The following TBC1D1 variants were observed in gnomAD, a reference collection of about 807,000 sequenced individuals.
The protein encoded by TBC1D1 is TBC1 (tre-2/USP6, BUB2, cdc16) domain family, member 1.
TBC1D1 carries 89 observed loss-of-function variants against 125.6 expected under a neutral mutation model. The observed-to-expected ratio is 0.71, with a 90% confidence interval of 0.60 to 0.85. TBC1D1 has a LOEUF of 0.85. Ranked by LOEUF, TBC1D1 falls within the 40% of genes least tolerant of loss-of-function variation. The probability of loss-of-function intolerance (pLI) is 0.00; values close to 1 mark genes in which losing one functional copy is unlikely to be tolerated. For missense variants in TBC1D1, 1,377 were observed against 1,469.2 expected, an observed-to-expected ratio of 0.94 and a Z score of 1.03; for synonymous variants, 565 against 564.1, an observed-to-expected ratio of 1.00 and a Z score of -0.02.
intron 12 of TBC1D1, among the ~76,000 whole-genome samples, chr4:38,064,696 T>TCACTGC (rs1206983191): frequency 6.6e-6 from 1 of 150,854 alleles, no homozygotes; most frequent in African/African-American, 2.4e-5. Context: ...CGATCTCCGC[T>TCACTGC]CACTGCCACC....
intron 14 of TBC1D1, among the ~76,000 whole-genome samples, chr4:38,102,220 G>A (rs1041445023): frequency 1.3e-5 from 2 of 150,778 alleles, no homozygotes; most frequent in African/African-American, 4.9e-5. Flanking sequence ...TTGTGCACAT[G>A]TACCCTAAAA....
chr4:37,932,522 T>C (rs1176758408), intron 2 of TBC1D1, among the ~76,000 whole-genome samples: 2 of 152,180 alleles, frequency 1.3e-5, no homozygotes, highest in South Asian at 4.1e-4. Flanking sequence ...ACATTAAATA[T>C]GTAGTTATTA....
chr4:38,000,197 A>G (rs532659522), intron 2 of TBC1D1, among the ~76,000 whole-genome samples: 5 of 152,252 alleles, frequency 3.3e-5, no homozygotes, highest in Non-Finnish European at 7.3e-5. Context: ...CATGGTCCCA[A>G]GACATGACTC....
chr4:38,024,019 A>G (rs1364379723), intron 6 of TBC1D1, among the ~76,000 whole-genome samples: 1 of 152,210 alleles, frequency 6.6e-6, no homozygotes, highest in African/African-American at 2.4e-5. Flanking sequence ...GATGAAAGCC[A>G]TCGAGATAGA....
intron 12 of TBC1D1, among the ~76,000 whole-genome samples, chr4:38,075,230 G>C (rs1226861220): frequency 6.6e-6 from 1 of 152,188 alleles, no homozygotes; most frequent in Non-Finnish European, 1.5e-5. Flanking sequence ...GAAATCTATT[G>C]GGATTGTAAA....
intron 11 of TBC1D1, among the ~76,000 whole-genome samples, chr4:38,051,664 A>G (rs1416574650): frequency 6.6e-6 from 1 of 152,032 alleles, no homozygotes; most frequent in Non-Finnish European, 1.5e-5. Flanking sequence ...GGGAGCATAA[A>G]CACGTGGGAA....
intron 11 of TBC1D1, chr4:38,053,207 A>G (rs1337896234): frequency 6.6e-7 from 1 of 1,520,316 alleles, no homozygotes; most frequent in South Asian, 1.3e-5. Flanking sequence ...AACACCTCTG[A>G]TTTTATGAAC....
intron 15 of TBC1D1, among the ~76,000 whole-genome samples, chr4:38,113,558 T>C (rs1762510724): frequency 6.6e-6 from 1 of 152,200 alleles, no homozygotes; most frequent in African/African-American, 2.4e-5. Context: ...CATATTCTGC[T>C]ACCAGCACCT....
chr4:38,078,015 G>A (rs1360817795), intron 12 of TBC1D1, among the ~76,000 whole-genome samples: 1 of 152,154 alleles, frequency 6.6e-6, no homozygotes, highest in Non-Finnish European at 1.5e-5. Flanking sequence ...TTTCAAGTCC[G>A]ATCCCAGGAC....
At chr4:38,048,376 TAGAG>T (rs1425584645) in intron 10 of TBC1D1, among the ~76,000 whole-genome samples, 3 of 152,162 alleles carry the variant, frequency 2.0e-5, no homozygotes, top group African/African-American at 7.2e-5. Flanking sequence ...TGTATTGTCT[TAGAG>T]AGACTTTTAA....
intron 14 of TBC1D1, among the ~76,000 whole-genome samples, chr4:38,100,590 T>C (rs1049636180): frequency 6.6e-6 from 1 of 152,174 alleles, no homozygotes; most frequent in Admixed American, 6.5e-5. Flanking sequence ...CACATCTCTT[T>C]TGAGGGGACA....
chr4:38,022,085 T>G (rs1578307363), intron 6 of TBC1D1, among the ~76,000 whole-genome samples: 2 of 152,334 alleles, frequency 1.3e-5, no homozygotes, highest in African/African-American at 4.8e-5. Flanking sequence ...ACTAAGGAAC[T>G]TGTACCAGTT....
At chr4:38,135,793 A>C (rs1415590206) in intron 19 of TBC1D1, among the ~76,000 whole-genome samples, 2 of 152,200 alleles carry the variant, frequency 1.3e-5, no homozygotes, top group Non-Finnish European at 2.9e-5. Flanking sequence ...ATTTTCTGGC[A>C]CAAGTGTTGT....
intron 2 of TBC1D1, among the ~76,000 whole-genome samples, chr4:37,919,098 A>AC (rs1168362598): frequency 2.0e-5 from 3 of 151,602 alleles, no homozygotes; most frequent in African/African-American, 7.3e-5. Context: ...AAAAAAAAAA[A>AC]AAACTGGAAA....
chr4:38,084,904 G>A (rs894383331), intron 12 of TBC1D1, among the ~76,000 whole-genome samples: 9 of 152,172 alleles, frequency 5.9e-5, no homozygotes, highest in Admixed American at 6.5e-5. Context: ...TTAATGTCGT[G>A]TCTTTAAAAG....
intron 2 of TBC1D1, among the ~76,000 whole-genome samples, chr4:37,927,464 C>T (rs776682068): frequency 6.6e-6 from 1 of 152,126 alleles, no homozygotes; most frequent in Non-Finnish European, 1.5e-5. Flanking sequence ...TGCTGTTTAA[C>T]TCATATTTTC....
intron 13 of TBC1D1, among the ~76,000 whole-genome samples, chr4:38,095,435 T>G (rs1311436493): frequency 6.6e-6 from 1 of 152,164 alleles, no homozygotes; most frequent in Non-Finnish European, 1.5e-5. Context: ...AGGGGTAGAT[T>G]TATTCAGTTT....
chr4:37,943,592 T>C (rs905767764), intron 2 of TBC1D1, among the ~76,000 whole-genome samples: 2 of 152,248 alleles, frequency 1.3e-5, no homozygotes, highest in Non-Finnish European at 2.9e-5. Context: ...CATTTGATCT[T>C]CAATCACTGA....
At chr4:38,067,993 G>A (rs1328671474) in intron 12 of TBC1D1, among the ~76,000 whole-genome samples, 1 of 152,274 alleles carries the variant, frequency 6.6e-6, no homozygotes, top group South Asian at 2.1e-4. Context: ...GATTGTTCTC[G>A]CCTGACGAGA....
Sources: allele counts gnomAD v4.1 joint callset (sites outside exome capture counted in the v4.1 genomes callset), GRCh38; gene constraint gnomAD v4.1.1; transcripts MANE v1.5; gene names NCBI Gene and HGNC (gene_info 2026-07-23, HGNC 2026-07-21).